The following SULF1 variants were observed in gnomAD, a reference collection of about 807,000 sequenced individuals.
The protein encoded by SULF1 is sulfatase 1.
SULF1 carries 46 observed loss-of-function variants against 110.5 expected under a neutral mutation model. The observed-to-expected ratio is 0.42, with a 90% CI of 0.33 to 0.53. SULF1 has a LOEUF of 0.53. SULF1 is among the 20% of genes least tolerant of loss of function. SULF1 has a pLI of 0.12. For synonymous variants in SULF1, 371 were observed against 387.1 expected (o/e 0.96, Z 0.49); for missense variants, 941 against 1,094.2 (o/e 0.86, Z 1.98).
At position 69,600,620 on chromosome 8, in the gene SULF1, A is replaced by G. The variant is rs763747306; in HGVS notation, c.752A>G (p.Tyr251Cys). The G allele has an allele frequency of 6.8e-6, 11 of 1,612,624 alleles. No homozygotes were observed. The highest frequency in any genetic ancestry group is 1.6e-4 in the Middle Eastern group (1 of 6,072). Residue 251 changes from tyrosine to cysteine, a missense_variant, in exon 9 of 23, where the codon TAT becomes TGT. This residue lies in a region of SULF1 where 822 missense variants were observed against 934.3 expected (regional missense o/e 0.88). Transcript: ENST00000402687. The part of the protein sequence containing the change: ...ASQHITPSYN[Y>C]APNMDKHWIM... ...ATTTTCAGAACTCCTAGTTATAACT[A>G]TGCACCAAATATGGATAAACACTGG...
chr8:69,597,230 CA>C (rs1286481412), intron 8 of SULF1: 2 of 152,252 alleles, frequency 1.3e-5, no homozygotes, highest in South Asian at 2.1e-4. Context: ...CAGACCTCAG[CA>C]GGGGGCAACC....
chr8:69,614,343 T>C (rs929978962), intron 13 of SULF1, among the ~76,000 whole-genome samples: 8 of 152,202 alleles, frequency 5.3e-5, no homozygotes, highest in Admixed American at 3.9e-4. Flanking sequence ...AGACAGAATA[T>C]AGGTAATATT....
intron 3 of SULF1, among the ~76,000 whole-genome samples, chr8:69,523,270 T>C (rs188536282): frequency 9.2e-5 from 14 of 151,998 alleles, no homozygotes; most frequent in East Asian, 5.8e-4. Context: ...AGTTGAGGAG[T>C]TGGGGAGACC....
intron 10 of SULF1, among the ~76,000 whole-genome samples, chr8:69,602,535 A>G (rs1434809359): frequency 1.3e-5 from 2 of 152,254 alleles, no homozygotes; most frequent in Non-Finnish European, 2.9e-5. Context: ...GTAACAGTGA[A>G]GCTAGGCAGA....
chr8:69,640,597 A>AT (rs536340027), intron 21 of SULF1, among the ~76,000 whole-genome samples: 69 of 145,274 alleles, frequency 4.7e-4, no homozygotes, highest in African/African-American at 1.2e-3. Flanking sequence ...ATGAACTCTT[A>AT]TTTTTTTTTT....
chr8:69,556,759 C>T (rs554110758), intron 3 of SULF1, among the ~76,000 whole-genome samples: 6 of 152,138 alleles, frequency 3.9e-5, no homozygotes, highest in African/African-American at 1.2e-4. Context: ...TATGTTTTTT[C>T]ATCAACTTTT....
chr8:69,616,230 A>ATTT (rs1197822345), intron 13 of SULF1, among the ~76,000 whole-genome samples: 6 of 139,980 alleles, frequency 4.3e-5, no homozygotes, highest in African/African-American at 8.1e-5. Flanking sequence ...ATATATATAT[A>ATTT]TTTTTTTGAG....
intron 1 of SULF1, among the ~76,000 whole-genome samples, chr8:69,482,302 C>T (rs1435888637): frequency 1.3e-5 from 2 of 152,104 alleles, no homozygotes; most frequent in Admixed American, 6.6e-5. Context: ...ATTTGATTTT[C>T]CCCATAGTTT....
chr8:69,568,851 A>G (rs1563539291), intron 5 of SULF1, among the ~76,000 whole-genome samples: 1 of 152,236 alleles, frequency 6.6e-6, no homozygotes, highest in Non-Finnish European at 1.5e-5. Flanking sequence ...GTACATTCAC[A>G]TTCTATTTCA....
intron 8 of SULF1, among the ~76,000 whole-genome samples, chr8:69,591,147 G>A (rs751688598): frequency 2.6e-5 from 4 of 152,106 alleles, no homozygotes; most frequent in Non-Finnish European, 5.9e-5. Context: ...TAAGCCTGCA[G>A]GAAAATCAGC....
intron 3 of SULF1, among the ~76,000 whole-genome samples, chr8:69,535,430 G>A (rs117499610): frequency 6.6e-6 from 1 of 152,172 alleles, no homozygotes; most frequent in Non-Finnish European, 1.5e-5. Context: ...TCCAGACAGT[G>A]TGCTCTATGG....
At chr8:69,653,521 G>A (rs1812511225) in intron 22 of SULF1, among the ~76,000 whole-genome samples, 1 of 152,232 alleles carries the variant, frequency 6.6e-6, no homozygotes, top group Admixed American at 6.5e-5. Flanking sequence ...CCTTGAGTTC[G>A]AAGTGTGCTA....
intron 8 of SULF1, among the ~76,000 whole-genome samples, chr8:69,590,946 C>T (rs1202082902): frequency 1.3e-5 from 2 of 152,166 alleles, no homozygotes; most frequent in Admixed American, 6.5e-5. Context: ...CCCCCCTGTT[C>T]CCATTTCTGT....
intron 13 of SULF1, among the ~76,000 whole-genome samples, chr8:69,619,305 T>C (rs762304142): frequency 6.6e-6 from 1 of 152,222 alleles, no homozygotes. Flanking sequence ...GTGATAACAC[T>C]ATATTTTAAC....
chr8:69,650,292 G>A (rs917543379), intron 22 of SULF1, among the ~76,000 whole-genome samples: 7 of 151,792 alleles, frequency 4.6e-5, no homozygotes, highest in South Asian at 2.1e-4. Context: ...ATGAACCATC[G>A]TGCCTGGCTC....
chr8:69,497,979 A>G (rs532429598), intron 2 of SULF1, among the ~76,000 whole-genome samples: 5 of 152,340 alleles, frequency 3.3e-5, no homozygotes, highest in African/African-American at 9.6e-5. Context: ...ATTAATCACC[A>G]TATGTCCAAC....
chr8:69,518,564 C>T (rs1812086400), intron 3 of SULF1, among the ~76,000 whole-genome samples: 1 of 152,088 alleles, frequency 6.6e-6, no homozygotes, highest in African/African-American at 2.4e-5. Flanking sequence ...TTAGTTGGGC[C>T]AGACCTTTTA....
chr8:69,626,068 G>C (rs1461141594), intron 15 of SULF1: 1 of 152,142 alleles, frequency 6.6e-6, no homozygotes, highest in Non-Finnish European at 1.5e-5. Flanking sequence ...ACAGGGTGCT[G>C]ATTGGTGTGT....
At chr8:69,583,947 G>T (rs760199169) in intron 6 of SULF1, among the ~76,000 whole-genome samples, 2 of 152,202 alleles carry the variant, frequency 1.3e-5, no homozygotes, top group Non-Finnish European at 2.9e-5. Context: ...AGCAAAAATA[G>T]AGAGGTGGGA....
Sources: allele counts gnomAD v4.1 joint callset (sites outside exome capture counted in the v4.1 genomes callset), GRCh38; gene constraint gnomAD v4.1.1; regional missense constraint gnomAD v4.1.1; transcripts MANE v1.5; gene names NCBI Gene and HGNC (gene_info 2026-07-23, HGNC 2026-07-21).